Variants in NPAS2 observed in about 807,000 individuals in gnomAD.
The protein encoded by NPAS2 is neuronal PAS domain protein 2.
A neutral mutation model predicts 107.5 loss-of-function variants in NPAS2; 23 were observed. The observed-to-expected ratio is 0.21, with a 90% CI of 0.15 to 0.30. NPAS2 has a LOEUF of 0.30. NPAS2 is among the 10% of genes least tolerant of loss of function. The probability of loss-of-function intolerance (pLI) is 1.00; values close to 1 mark genes in which losing one functional copy is unlikely to be tolerated. For missense variants in NPAS2, 756 were observed against 1,043.3 expected (o/e 0.72, Z 3.79); for synonymous variants, 403 against 417.5 (o/e 0.97, Z 0.42).
intron 1 of NPAS2, chr2:100,823,675 C>T (rs1676205551): frequency 6.6e-6 from 1 of 152,156 alleles, no homozygotes. Flanking sequence ...GAGCATATAC[C>T]ACATAGAGAG....
At chr2:100,917,054 T>G (rs1682924932) in intron 2 of NPAS2, among the ~76,000 whole-genome samples, 2 of 152,106 alleles carry the variant, frequency 1.3e-5, no homozygotes, top group Non-Finnish European at 2.9e-5. Context: ...TTAAATGCTC[T>G]TATTAGAAAA....
intron 1 of NPAS2, among the ~76,000 whole-genome samples, chr2:100,896,802 C>G (rs1209345850): frequency 6.6e-6 from 1 of 152,090 alleles, no homozygotes; most frequent in African/African-American, 2.4e-5. Flanking sequence ...TTGGCCCTGG[C>G]TTTGTCCTTC....
At chr2:100,866,520 T>G (rs556915382) in intron 1 of NPAS2, among the ~76,000 whole-genome samples, 86 of 152,328 alleles carry the variant, frequency 5.6e-4, no homozygotes, top group Non-Finnish European at 9.6e-4. Context: ...GGGTGCTTTC[T>G]TTCCAAAATA....
intron 1 of NPAS2, among the ~76,000 whole-genome samples, chr2:100,899,166 G>A (rs1681614674): frequency 6.6e-6 from 1 of 152,034 alleles, no homozygotes; most frequent in Non-Finnish European, 1.5e-5. Context: ...AGTGGAAAAC[G>A]GACGTTACGT....
chr2:100,996,178 C>T lies in NPAS2; in HGVS notation c.*596C>T. 4.4e-6 allele frequency: 1 copy of T among 228,322 alleles called. No homozygotes were observed. Among genetic ancestry groups the T allele is most frequent in the South Asian group, 6.7e-5 (1 of 14,890 alleles). 14.1% of individuals were successfully genotyped at this position (228,322 alleles called of 1,614,324 possible). On this transcript the variant is annotated 3_prime_UTR_variant, in exon 21 of 21. Coordinates refer to ENST00000335681, the MANE Select transcript of NPAS2 (RefSeq NM_002518.4). ...TAGAGACCACAGTAACAACAGCAGC[C>T]CACCAATCAGAGAAGCTGGTTGTTA... is the stretch of plus-strand genomic sequence containing the variant.
At chr2:100,954,050 C>T (rs72974843) in intron 7 of NPAS2, among the ~76,000 whole-genome samples, 5,756 of 152,140 alleles carry the variant, frequency 0.038, 365 homozygotes, top group African/African-American at 0.13. Context: ...GTCAGGAGGC[C>T]GAGGGAACCT....
chr2:100,874,622 A>C (rs565197621), intron 1 of NPAS2, among the ~76,000 whole-genome samples: 17 of 152,036 alleles, frequency 1.1e-4, no homozygotes, highest in African/African-American at 3.9e-4. Context: ...CACACCTGTA[A>C]TCCCAGCTAC....
At position 100,820,233 on chromosome 2, in the gene NPAS2, G is replaced by C. The variant is rs1675994096; in HGVS notation, c.-204G>C. ...CCCAGGAGCGGCGGCCGCGGAGCCCGGAGACCCGCAGCCGCGGCGGCGGCG... is the reference window on the plus strand; with the variant it reads ...CCCAGGAGCGGCGGCCGCGGAGCCCCGAGACCCGCAGCCGCGGCGGCGGCG... On this transcript the variant is annotated 5_prime_UTR_variant, in exon 1 of 21. Transcript: ENST00000335681. The surrounding 1 kb of genome is among the most constrained non-coding windows in gnomAD (Gnocchi z 5.6). 1.4e-5 allele frequency: 2 copies of C among 144,214 alleles called. No individual in the cohort carries two copies. The highest frequency in any genetic ancestry group is 2.0e-4 in the East Asian group (1 of 4,976). 8.9% of individuals were successfully genotyped at this position (144,214 alleles called of 1,614,324 possible).
In NPAS2 at chr2:100,937,798, A is replaced by G; in HGVS notation, c.319A>G (p.Ile107Val). 4 of 1,614,184 alleles carry G rather than the reference A, an allele frequency of 2.5e-6. No homozygotes were observed. Among genetic ancestry groups the G allele is most frequent in the South Asian group, 1.1e-5 (1 of 91,084 alleles). The change falls in exon 5 of 21, where the codon ATC becomes GTC. Residue 107 changes from isoleucine to valine, a missense_variant. Around this residue, in one of 4 missense-constraint regions of NPAS2, gnomAD observed 146 missense variants for 249.6 expected, o/e 0.58. Coordinates refer to ENST00000335681, the MANE Select transcript of NPAS2 (RefSeq NM_002518.4). The part of the protein sequence containing the change: ...IIAVTTDGSI[I>V]YVSDSITPLL... ...CGCAGTGACAACAGACGGCAGCATC[A>G]TCTATGTCTCTGACAGTATCACGCC...
At chr2:100,844,577 A>G (rs770426176) in intron 1 of NPAS2, among the ~76,000 whole-genome samples, 2 of 152,182 alleles carry the variant, frequency 1.3e-5, no homozygotes, top group Non-Finnish European at 2.9e-5. Context: ...ACTGCAGAGT[A>G]CATTTTGAAA....
At chr2:100,904,539 G>A (rs1233132488) in intron 1 of NPAS2, among the ~76,000 whole-genome samples, 194 bp from the exon 2 acceptor site, 1 of 152,008 alleles carries the variant, frequency 6.6e-6, no homozygotes, top group East Asian at 1.9e-4. Context: ...ACATTTCTCA[G>A]CCTTAACCCA....
At chr2:100,865,632 C>G (rs1051751031) in intron 1 of NPAS2, among the ~76,000 whole-genome samples, 43 of 152,146 alleles carry the variant, frequency 2.8e-4, no homozygotes, top group Non-Finnish European at 5.9e-5. Context: ...TGAAAATCCA[C>G]CTTCTGACCC....
rs62152935 is a variant in NPAS2 at position 100,993,512 on chromosome 2, G to A, written c.2277G>A (p.Pro759=). ...LQPAQARQQP[P]QHYLQVQAPT... ...CTGCACAGGCCCGGCAGCAGCCACC[G>A]CAGCACTACCTGCAGGTGGGTGCCA... Residue 759 remains proline (P), a synonymous_variant, in exon 20 of 21, where the codon CCG becomes CCA. Transcript: ENST00000335681. 239 of 1,577,746 alleles carry A rather than the reference G, an allele frequency of 1.5e-4. No individual in the cohort carries two copies. In the South Asian group the frequency reaches 1.6e-3, roughly 10 times the overall value.
In NPAS2 at chr2:100,990,816, C is replaced by T. The variant is rs139928940; in HGVS notation, c.2055C>T (p.Pro685=). 163 of 1,614,200 alleles carry T rather than the reference C, an allele frequency of 1.0e-4. No individual in the cohort carries two copies. In the African/African-American group the frequency reaches 1.6e-3, roughly 16 times the overall value. ...LLSQPIQPMM[P]GSCDARQPSE... is the part of the protein sequence containing the mutation. ...GCCAGCCCATCCAGCCCATGATGCCCGGGTCCTGTGACGCAAGGCAGCCCT... is the reference window on the plus strand; with the variant it reads ...GCCAGCCCATCCAGCCCATGATGCCTGGGTCCTGTGACGCAAGGCAGCCCT... The change falls in exon 19 of 21, where the codon CCC becomes CCT. Residue 685 remains proline (P), a synonymous_variant. Coordinates refer to ENST00000335681, the MANE Select transcript of NPAS2 (RefSeq NM_002518.4).
chr2:100,940,564 A>G (rs1674517100), intron 5 of NPAS2, among the ~76,000 whole-genome samples: 1 of 152,212 alleles, frequency 6.6e-6, no homozygotes, highest in Non-Finnish European at 1.5e-5. Context: ...ACATGCGTTA[A>G]TATGTGTAGG....
Position 100,948,743 on chromosome 2 carries a change from G to A in NPAS2, c.484+388G>A, listed in dbSNP as rs1009858421. On this transcript the variant is annotated intron_variant, in intron 6 of 20. Transcript: ENST00000335681. Reference sequence around the variant, plus strand: ...TAATATCAAGAAACCAACTGAAAACGGAATAATTAGGTCAAAAATCCAAAT... The same window carrying A: ...TAATATCAAGAAACCAACTGAAAACAGAATAATTAGGTCAAAAATCCAAAT... 2.6e-5 allele frequency among the ~76,000 whole-genome samples: 4 copies of A among 152,218 alleles called. No individual in the cohort carries two copies. The South Asian group carries it at 6.2e-4, about 24-fold the overall frequency.
intron 7 of NPAS2, among the ~76,000 whole-genome samples, chr2:100,953,375 T>TAAAAAAAAAAAAAAAA (rs770159746): frequency 1.1e-5 from 1 of 87,902 alleles, no homozygotes; most frequent in Admixed American, 1.1e-4. Context: ...CTCCATCTCA[T>TAAAAAAAAAAAAAAAA]AAAAAAAAAA....
chr2:100,837,904 G>A lies in NPAS2; in HGVS notation c.-23+17490G>A, dbSNP rs78717538. Among the ~76,000 whole-genome samples the A allele has an allele frequency of 4.1e-3, 620 of 152,228 alleles. 26 individuals carry two copies. In the East Asian group the frequency reaches 0.1, roughly 25 times the overall value. ...GACAGAGCTGGACGAGACCTTAGAG[G>A]TCAGGAAGCCAGCACCATCATTTTA... On this transcript the variant is annotated intron_variant, in intron 1 of 20. Coordinates refer to ENST00000335681, the MANE Select transcript of NPAS2 (RefSeq NM_002518.4).
At chr2:100,963,840 G>A (rs1013123502) in intron 7 of NPAS2, among the ~76,000 whole-genome samples, 12 of 152,226 alleles carry the variant, frequency 7.9e-5, no homozygotes, top group African/African-American at 2.7e-4. Context: ...AAGCTTTTTG[G>A]TCTTGCACAA....
Sources: gnomAD v4.1 joint callset for allele counts (sites outside exome capture counted in the v4.1 genomes callset) on GRCh38, gnomAD v4.1.1 for gene constraint, gnomAD v4.1.1 regional missense constraint, Gnocchi (gnomAD v3.1) non-coding constraint, MANE v1.5 for transcripts, NCBI Gene and HGNC (gene_info 2026-07-23, HGNC 2026-07-21) for gene names.